Variants in TBC1D22A observed in about 807,000 individuals in gnomAD.
TBC1D22A encodes the protein putative GTPase activator.
TBC1D22A carries 38 observed loss-of-function variants against 60.2 expected under a neutral mutation model. The observed-to-expected ratio is 0.63, with a 90% confidence interval of 0.49 to 0.83. TBC1D22A has a LOEUF of 0.83. Among genes scored for constraint, TBC1D22A ranks in the 40% least tolerant of loss-of-function variants. The pLI is 0.00. For synonymous variants in TBC1D22A, 302 were observed against 281.7 expected (o/e 1.07, Z -0.72); for missense variants, 628 against 701.0 (o/e 0.90, Z 1.18).
chr22:47,099,754 C>A (rs942796760), intron 11 of TBC1D22A, among the ~76,000 whole-genome samples: 2 of 152,184 alleles, frequency 1.3e-5, no homozygotes, highest in Non-Finnish European at 2.9e-5. Flanking sequence ...CTCGTCCCTG[C>A]TTTCTAAAGT....
At chr22:46,805,888 T>A (rs2085108576) in intron 4 of TBC1D22A, among the ~76,000 whole-genome samples, 1 of 151,464 alleles carries the variant, frequency 6.6e-6, no homozygotes, top group Non-Finnish European at 1.5e-5. Flanking sequence ...AGTCTTGCTC[T>A]TTCGCCCAGA....
At chr22:46,986,072 C>T (rs2074712529) in intron 9 of TBC1D22A, among the ~76,000 whole-genome samples, 1 of 152,166 alleles carries the variant, frequency 6.6e-6, no homozygotes, top group Admixed American at 6.5e-5. Context: ...CCTAGCTTGA[C>T]TTAATTTCTG....
At chr22:46,787,789 G>C (rs1012637447) in intron 1 of TBC1D22A, among the ~76,000 whole-genome samples, 1 of 152,144 alleles carries the variant, frequency 6.6e-6, no homozygotes, top group Non-Finnish European at 1.5e-5. Context: ...AGAATGGGGA[G>C]GGTTTCAACT....
At chr22:47,124,913 T>G (rs735252) in intron 12 of TBC1D22A, among the ~76,000 whole-genome samples, 61,606 of 151,866 alleles carry the variant, frequency 0.41, 12,781 homozygotes, top group South Asian at 0.54. Context: ...ACAAAGATGG[T>G]GCCTGCAGAG....
intron 4 of TBC1D22A, among the ~76,000 whole-genome samples, chr22:46,840,585 T>C (rs189672330): frequency 6.0e-4 from 91 of 152,158 alleles, no homozygotes; most frequent in African/African-American, 2.2e-3. Context: ...ATACAAAAAT[T>C]AGCTGGGCAT....
chr22:47,126,331 G>C, intron 12 of TBC1D22A, among the ~76,000 whole-genome samples: 1 of 152,240 alleles, frequency 6.6e-6, no homozygotes, highest in East Asian at 1.9e-4. Flanking sequence ...GCCACCAGAA[G>C]ACAGGGACGC....
intron 7 of TBC1D22A, among the ~76,000 whole-genome samples, chr22:46,906,880 G>A (rs998213818): frequency 6.6e-6 from 1 of 151,794 alleles, no homozygotes; most frequent in Admixed American, 6.6e-5. Flanking sequence ...GTGTACATGG[G>A]CTCTTTCCTG....
intron 9 of TBC1D22A, among the ~76,000 whole-genome samples, chr22:46,983,138 T>C (rs905695945): frequency 2.0e-5 from 3 of 152,354 alleles, no homozygotes; most frequent in African/African-American, 7.2e-5. Context: ...ACAAGTCCTG[T>C]ATTTTGTGGT....
intron 8 of TBC1D22A, among the ~76,000 whole-genome samples, chr22:46,938,865 C>A (rs1274875585): frequency 6.6e-6 from 1 of 151,940 alleles, no homozygotes; most frequent in South Asian, 2.1e-4. Context: ...GGATTACAGG[C>A]GTGAGCCACC....
intron 12 of TBC1D22A, among the ~76,000 whole-genome samples, chr22:47,141,555 G>A (rs1393815563): frequency 1.3e-5 from 2 of 152,206 alleles, no homozygotes; most frequent in African/African-American, 2.4e-5. Context: ...CAGGGCAGCC[G>A]ACTCCACGTC....
chr22:46,815,352 A>G (rs2085550860), intron 4 of TBC1D22A, among the ~76,000 whole-genome samples: 2 of 152,148 alleles, frequency 1.3e-5, no homozygotes, highest in African/African-American at 4.8e-5. Flanking sequence ...TGTTGACTTA[A>G]TTACTCTTTG....
Position 46,841,047 on chromosome 22 carries a change from G to GGTGTGTGTGTGT in TBC1D22A, c.638-37590_638-37579dup, listed in dbSNP as rs56029066. 2.0e-3 allele frequency among the ~76,000 whole-genome samples: 289 copies of GGTGTGTGTGTGT among 147,532 alleles called. 1 individual carries two copies. Among genetic ancestry groups the GGTGTGTGTGTGT allele is most frequent in the Non-Finnish European group, 2.5e-3 (168 of 66,962 alleles). ...GATGAATGAATGAGTAATGAAAATG[G>GGTGTGTGTGTGT]GTGTGTGTGTGTGTGTGTGTGTGTG... is the stretch of plus-strand genomic sequence containing the variant. On this transcript the variant is annotated intron_variant, in intron 4 of 12. Coordinates refer to ENST00000337137, the MANE Select transcript of TBC1D22A (RefSeq NM_014346.5).
intron 4 of TBC1D22A, among the ~76,000 whole-genome samples, chr22:46,816,152 G>C (rs916226390): frequency 6.6e-6 from 1 of 152,158 alleles, no homozygotes; most frequent in African/African-American, 2.4e-5. Flanking sequence ...TGCTGCGGCC[G>C]GCCGCCTGCC....
intron 12 of TBC1D22A, among the ~76,000 whole-genome samples, chr22:47,170,101 A>G (rs541500175): frequency 6.6e-6 from 1 of 152,352 alleles, no homozygotes; most frequent in Non-Finnish European, 1.5e-5. Flanking sequence ...TTTTTAAAAA[A>G]GAAATCTGTA....
At chr22:46,764,658 G>A (rs1373622869) in intron 1 of TBC1D22A, among the ~76,000 whole-genome samples, 9 of 152,200 alleles carry the variant, frequency 5.9e-5, no homozygotes, top group Admixed American at 5.9e-4. Flanking sequence ...ACTGGATGAG[G>A]GTGGGCCTTA....
intron 7 of TBC1D22A, among the ~76,000 whole-genome samples, chr22:46,910,497 T>C (rs5767406): frequency 0.76 from 115,218 of 152,052 alleles, 43,791 homozygotes; most frequent in Middle Eastern, 0.85. Context: ...AATTCATCCA[T>C]CTGTCGGAGC....
chr22:46,851,709 T>C (rs2087286092), intron 4 of TBC1D22A, among the ~76,000 whole-genome samples: 1 of 152,204 alleles, frequency 6.6e-6, no homozygotes, highest in African/African-American at 2.4e-5. Flanking sequence ...GAGATGCCAC[T>C]GGGAGAAGAA....
chr22:46,847,149 T>C (rs756058668), intron 4 of TBC1D22A, among the ~76,000 whole-genome samples: 3 of 152,220 alleles, frequency 2.0e-5, no homozygotes, highest in Non-Finnish European at 4.4e-5. Flanking sequence ...TCCCTCATTT[T>C]TGGAGACCCC....
At chr22:46,825,954 C>G (rs991365071) in intron 4 of TBC1D22A, among the ~76,000 whole-genome samples, 15 of 150,404 alleles carry the variant, frequency 1.0e-4, no homozygotes, top group Admixed American at 4.0e-4. Context: ...GCCATCTCGG[C>G]TTACTGCAAG....
Sources: allele counts gnomAD v4.1 joint callset (sites outside exome capture counted in the v4.1 genomes callset), GRCh38; gene constraint gnomAD v4.1.1; transcripts MANE v1.5; gene names NCBI Gene and HGNC (gene_info 2026-07-23, HGNC 2026-07-21).